The following CACNA2D1 variants were observed in gnomAD, a reference collection of about 807,000 sequenced individuals.
The protein encoded by CACNA2D1 is calcium voltage-gated channel auxiliary subunit alpha2delta 1.
In CACNA2D1, 53 loss-of-function variants were observed where a neutral mutation model predicts 171.5. The ratio of observed to expected loss-of-function variants is 0.31; its 90% confidence interval spans 0.25 to 0.39. The LOEUF is 0.39. CACNA2D1 is among the 10% of genes least tolerant of loss of function. CACNA2D1 has a pLI of 1.00. For synonymous variants in CACNA2D1, 442 were observed against 443.1 expected, an observed-to-expected ratio of 1.00 and a Z score of 0.03; for missense variants, 903 against 1,299.8, an observed-to-expected ratio of 0.69 and a Z score of 4.69.
intron 31 of CACNA2D1, among the ~76,000 whole-genome samples, chr7:81,966,842 C>T (rs1794749540): frequency 6.6e-6 from 1 of 151,284 alleles, no homozygotes; most frequent in African/African-American, 2.4e-5. Flanking sequence ...AATAGGGTTG[C>T]TTTGGTTAGA....
chr7:82,233,847 A>C, intron 3 of CACNA2D1, among the ~76,000 whole-genome samples: 1 of 152,124 alleles, frequency 6.6e-6, no homozygotes, highest in East Asian at 1.9e-4. Context: ...AATCTTATAT[A>C]GCTTTTCACA....
intron 4 of CACNA2D1, among the ~76,000 whole-genome samples, chr7:82,148,129 A>G (rs940085219): frequency 3.3e-5 from 5 of 152,192 alleles, no homozygotes; most frequent in Admixed American, 6.5e-5. Context: ...TTATGCTGGC[A>G]TCACTATTCT....
intron 6 of CACNA2D1, among the ~76,000 whole-genome samples, chr7:82,092,504 T>A (rs982662004): frequency 6.6e-6 from 1 of 150,574 alleles, no homozygotes; most frequent in African/African-American, 2.4e-5. Context: ...TCCCGAGTAA[T>A]TGGGACTACG....
intron 1 of CACNA2D1, among the ~76,000 whole-genome samples, chr7:82,386,809 A>C (rs1215221338): frequency 6.6e-6 from 1 of 151,692 alleles, no homozygotes; most frequent in East Asian, 1.9e-4. Flanking sequence ...AAAAACACAC[A>C]GTGCAAATAT....
intron 9 of CACNA2D1, among the ~76,000 whole-genome samples, chr7:82,062,223 A>G (rs1807020724): frequency 6.6e-6 from 1 of 152,196 alleles, no homozygotes; most frequent in Non-Finnish European, 1.5e-5. Context: ...AGCTAGAAAC[A>G]AGATAGAGGC....
At chr7:82,378,937 T>G (rs894790218) in intron 1 of CACNA2D1, among the ~76,000 whole-genome samples, 2 of 108,514 alleles carry the variant, frequency 1.8e-5, no homozygotes, top group Admixed American at 1.1e-4. Flanking sequence ...AGGGGTTGAC[T>G]CGTGTGTGTG....
chr7:82,014,489 T>C lies in CACNA2D1; in HGVS notation c.1144-10A>G. The C allele has an allele frequency of 6.9e-7, 1 of 1,456,438 alleles. No individual in the cohort carries two copies. Among genetic ancestry groups the C allele is most frequent in the Non-Finnish European group, 9.6e-7 (1 of 1,036,416 alleles). The allele number at this position is 1,456,438 out of a possible 1,614,324, so 90.2% of individuals were successfully genotyped here. ...ACGTGAATACACGTACCTGGATGAATTGAAAAATAGGTATTCATTAGGCTG... is the reference window on the plus strand; with the variant it reads ...ACGTGAATACACGTACCTGGATGAACTGAAAAATAGGTATTCATTAGGCTG... On this transcript the variant is annotated splice_polypyrimidine_tract_variant and intron_variant, in intron 12 of 38. Coordinates refer to ENST00000356860, the MANE Select transcript of CACNA2D1 (RefSeq NM_000722.4).
At chr7:82,075,872 CAG>C (rs1157015422) in intron 7 of CACNA2D1, among the ~76,000 whole-genome samples, 3 of 151,920 alleles carry the variant, frequency 2.0e-5, no homozygotes, top group Admixed American at 6.6e-5. Context: ...TTTGGTAACA[CAG>C]AAAGAAAAAA....
chr7:82,302,197 T>C (rs1813102387), intron 3 of CACNA2D1, among the ~76,000 whole-genome samples: 1 of 152,230 alleles, frequency 6.6e-6, no homozygotes, highest in Admixed American at 6.5e-5. Context: ...TTGGGGGTTT[T>C]TGGTGATTTT....
At chr7:82,144,163 G>T (rs1792714139) in intron 4 of CACNA2D1, among the ~76,000 whole-genome samples, 1 of 150,814 alleles carries the variant, frequency 6.6e-6, no homozygotes, top group Non-Finnish European at 1.5e-5. Flanking sequence ...TCATCTGTTG[G>T]CTTCTTGGTG....
chr7:82,255,373 T>A (rs1176433953), intron 3 of CACNA2D1, among the ~76,000 whole-genome samples: 1 of 152,166 alleles, frequency 6.6e-6, no homozygotes, highest in Non-Finnish European at 1.5e-5. Flanking sequence ...GTCTGTCTGT[T>A]CTTTGACGTA....
rs567817538 is a variant in CACNA2D1 at position 82,267,912 on chromosome 7, G to A, written c.294+67223C>T. 1.1e-4 allele frequency among the ~76,000 whole-genome samples: 16 copies of A among 152,250 alleles called. 1 individual carries two copies. The South Asian group carries it at 3.1e-3, about 30-fold the overall frequency. On this transcript the variant is annotated intron_variant, in intron 3 of 38. Transcript: ENST00000356860. ...CTCGGGAGCCTGAGGCAGGAGAATG[G>A]TGTGAACCCAGGAGGCACAGCTTGC...
intron 3 of CACNA2D1, among the ~76,000 whole-genome samples, chr7:82,277,055 C>A (rs550906046): frequency 7.2e-5 from 11 of 151,940 alleles, no homozygotes; most frequent in Non-Finnish European, 1.5e-4. Flanking sequence ...CTCCATTTCT[C>A]TTTTTTTAAC....
At chr7:82,332,709 G>A (rs1817521356) in intron 3 of CACNA2D1, among the ~76,000 whole-genome samples, 1 of 152,106 alleles carries the variant, frequency 6.6e-6, no homozygotes, top group Admixed American at 6.6e-5. Flanking sequence ...TACACAATAA[G>A]AGGAACCAGG....
intron 3 of CACNA2D1, among the ~76,000 whole-genome samples, chr7:82,209,141 G>A (rs574184192): frequency 2.6e-5 from 4 of 152,094 alleles, no homozygotes; most frequent in Admixed American, 6.6e-5. Flanking sequence ...TACACACAGA[G>A]AGCTTTTTAA....
At chr7:82,248,568 A>G (rs868795659) in intron 3 of CACNA2D1, among the ~76,000 whole-genome samples, 8 of 152,256 alleles carry the variant, frequency 5.3e-5, no homozygotes, top group African/African-American at 1.7e-4. Context: ...ATTTATTTTC[A>G]GACAACTGAA....
At chr7:82,155,354 GT>G (rs1794275115) in intron 4 of CACNA2D1, among the ~76,000 whole-genome samples, 1 of 152,084 alleles carries the variant, frequency 6.6e-6, no homozygotes, top group African/African-American at 2.4e-5. Flanking sequence ...GGAAACTGAT[GT>G]TCAGGTAGGT....
intron 3 of CACNA2D1, among the ~76,000 whole-genome samples, chr7:82,281,881 T>C (rs1810147782): frequency 6.6e-6 from 1 of 152,114 alleles, no homozygotes; most frequent in African/African-American, 2.4e-5. Context: ...CATCCTGCAA[T>C]AACTTAGGAT....
Position 82,185,390 on chromosome 7 carries a change from G to A in CACNA2D1, c.295-14781C>T, listed in dbSNP as rs140979315. ...AAGCTATATAAACATTACCCACCCC[G>A]ATAACTCAAAAGGAGCAATGTTACT... On this transcript the variant is annotated intron_variant, in intron 3 of 38. Transcript: ENST00000356860. Among the ~76,000 whole-genome samples the A allele has an allele frequency of 6.4e-3, 941 of 147,680 alleles. 6 individuals carry two copies. The highest frequency in any genetic ancestry group is 0.014 in the Middle Eastern group (4 of 292).
Sources: allele counts gnomAD v4.1 joint callset (sites outside exome capture counted in the v4.1 genomes callset), GRCh38; gene constraint gnomAD v4.1.1; transcripts MANE v1.5; gene names NCBI Gene and HGNC (gene_info 2026-07-23, HGNC 2026-07-21).